Variants in SYNDIG1 observed in about 807,000 individuals in gnomAD.
SYNDIG1 encodes the protein synapse differentiation-inducing gene protein 1.
Under a neutral mutation model 19.4 loss-of-function variants are expected in SYNDIG1, and 9 were observed. That is an observed-to-expected ratio of 0.46 (90% confidence interval 0.28 to 0.81). The LOEUF (loss-of-function observed/expected upper bound fraction) is 0.81, where lower values mean the gene tolerates loss of function less well. Among genes scored for constraint, SYNDIG1 ranks in the 30% least tolerant of loss-of-function variants. The pLI is 0.12. For missense variants in SYNDIG1, 311 were observed against 343.3 expected, an observed-to-expected ratio of 0.91 and a Z score of 0.74; for synonymous variants, 141 against 145.9, an observed-to-expected ratio of 0.97 and a Z score of 0.24.
intron 3 of SYNDIG1, among the ~76,000 whole-genome samples, chr20:24,619,449 C>T (rs1264490537): frequency 1.3e-5 from 2 of 152,202 alleles, no homozygotes; most frequent in Non-Finnish European, 2.9e-5. Context: ...ACTTGTACAA[C>T]ACTACTTCAG....
chr20:24,596,915 G>A (rs1429659039), intron 3 of SYNDIG1: 1 of 152,228 alleles, frequency 6.6e-6, no homozygotes, highest in Non-Finnish European at 1.5e-5. Context: ...GATATCACTG[G>A]TCACACAGCA....
intron 3 of SYNDIG1, among the ~76,000 whole-genome samples, chr20:24,600,554 T>G (rs1454601558): frequency 6.6e-6 from 1 of 152,000 alleles, no homozygotes; most frequent in East Asian, 1.9e-4. Flanking sequence ...ATTTTTATTA[T>G]TTTACCACCT....
chr20:24,568,777 C>T (rs1026636096), intron 2 of SYNDIG1, among the ~76,000 whole-genome samples: 4 of 152,152 alleles, frequency 2.6e-5, no homozygotes, highest in African/African-American at 4.8e-5. Context: ...CAATTAGGGC[C>T]GAAGAAAGGC....
chr20:24,573,257 G>A (rs1196432523), intron 2 of SYNDIG1, among the ~76,000 whole-genome samples: 1 of 152,210 alleles, frequency 6.6e-6, no homozygotes, highest in African/African-American at 2.4e-5. Context: ...TTCTGGATGG[G>A]TCATAGAAGG....
At chr20:24,653,743 G>A (rs2059496453) in intron 3 of SYNDIG1, among the ~76,000 whole-genome samples, 1 of 152,156 alleles carries the variant, frequency 6.6e-6, no homozygotes, top group East Asian at 1.9e-4. Flanking sequence ...ATTTAACTCT[G>A]TCAGCTCTGG....
At chr20:24,632,301 G>A (rs1027735125) in intron 3 of SYNDIG1, among the ~76,000 whole-genome samples, 2 of 152,140 alleles carry the variant, frequency 1.3e-5, no homozygotes, top group African/African-American at 4.8e-5. Flanking sequence ...GTGCAGTGGT[G>A]CGATCACAAC....
chr20:24,664,295 G>C (rs188692562), intron 3 of SYNDIG1, among the ~76,000 whole-genome samples: 1 of 152,216 alleles, frequency 6.6e-6, no homozygotes, highest in East Asian at 1.9e-4. Flanking sequence ...TGGTGTGTTT[G>C]AGTGAATGAC....
chr20:24,482,421 A>G lies in SYNDIG1; in HGVS notation c.-79+12668A>G, dbSNP rs2055825709. On this transcript the variant is annotated intron_variant, in intron 1 of 3. Coordinates refer to ENST00000376862, the MANE Select transcript of SYNDIG1 (RefSeq NM_024893.3). ...TGCACATGAAAGTTAGGGAAGACAC[A>G]TCTTTCCAAAATGATTGCCCAGCTT... Among the ~76,000 whole-genome samples, 4 of 152,332 alleles carry G rather than the reference A, an allele frequency of 2.6e-5. No homozygotes were observed. In the South Asian group the frequency reaches 8.3e-4, roughly 32 times the overall value.
intron 1 of SYNDIG1, among the ~76,000 whole-genome samples, chr20:24,524,934 T>C (rs540698498): frequency 3.3e-4 from 51 of 152,302 alleles, no homozygotes; most frequent in African/African-American, 6.0e-4. Flanking sequence ...TTAACACCTG[T>C]CATGTATTAT....
chr20:24,528,399 A>G (rs2057172032), intron 1 of SYNDIG1, among the ~76,000 whole-genome samples: 1 of 152,200 alleles, frequency 6.6e-6, no homozygotes, highest in Admixed American at 6.5e-5. Flanking sequence ...TTCTGCTGTT[A>G]CAACAAAATA....
chr20:24,563,690 C>T (rs1235850481), intron 2 of SYNDIG1, among the ~76,000 whole-genome samples: 1 of 152,192 alleles, frequency 6.6e-6, no homozygotes, highest in East Asian at 1.9e-4. Context: ...AAGCCTTGAC[C>T]TCCCAGACTC....
rs375649001 is a variant in SYNDIG1, at chr20:24,550,789, T to C, written c.480+7212T>C. Among the ~76,000 whole-genome samples, 396 of 152,240 alleles carry C rather than the reference T, an allele frequency of 2.6e-3. 3 individuals are homozygous for C. Among genetic ancestry groups the C allele is most frequent in the African/African-American group, 9.0e-3 (375 of 41,550 alleles). On this transcript the variant is annotated intron_variant, in intron 2 of 3. Coordinates refer to ENST00000376862, the MANE Select transcript of SYNDIG1 (RefSeq NM_024893.3). Reference sequence around the variant, plus strand: ...CCTCCCAAAGTGCTGGGATTACAGGTGTGAGCCACTGCGCCCAGCCTACAT... The same window carrying C: ...CCTCCCAAAGTGCTGGGATTACAGGCGTGAGCCACTGCGCCCAGCCTACAT...
intron 3 of SYNDIG1, among the ~76,000 whole-genome samples, chr20:24,614,286 G>A (rs1404864257): frequency 1.3e-5 from 2 of 152,232 alleles, no homozygotes; most frequent in African/African-American, 4.8e-5. Flanking sequence ...TTACAGGCAT[G>A]AGCCACTGCA....
intron 3 of SYNDIG1, among the ~76,000 whole-genome samples, chr20:24,641,720 G>A (rs1000222409): frequency 6.6e-6 from 1 of 152,192 alleles, no homozygotes; most frequent in Non-Finnish European, 1.5e-5. Context: ...TGCCCACCTC[G>A]CCACCAGGCA....
chr20:24,631,157 G>A (rs181374439), intron 3 of SYNDIG1, among the ~76,000 whole-genome samples: 37 of 152,356 alleles, frequency 2.4e-4, no homozygotes, highest in African/African-American at 8.2e-4. Context: ...GGAAATCAAG[G>A]AAGAGGCTGT....
chr20:24,570,693 A>G (rs2058126769), intron 2 of SYNDIG1, among the ~76,000 whole-genome samples: 1 of 152,206 alleles, frequency 6.6e-6, no homozygotes, highest in Non-Finnish European at 1.5e-5. Flanking sequence ...ACTCTCATAC[A>G]TTGCCGGTGG....
At chr20:24,504,027 T>G (rs1334156824) in intron 1 of SYNDIG1, among the ~76,000 whole-genome samples, 1 of 150,234 alleles carries the variant, frequency 6.7e-6, no homozygotes, top group East Asian at 2.0e-4. Flanking sequence ...TGGCATGATC[T>G]TGGCTCACTG....
rs2059642102 is a variant in SYNDIG1 at position 24,665,746 on chromosome 20, C to G, written c.*242C>G. ...CAAAGGAAAGCTCCAAAGATCCCAGCCCGCAAGGCTGTCTCTGGATGGATT... is the reference window on the plus strand; with the variant it reads ...CAAAGGAAAGCTCCAAAGATCCCAGGCCGCAAGGCTGTCTCTGGATGGATT... On this transcript the variant is annotated 3_prime_UTR_variant, in exon 4 of 4. Coordinates refer to ENST00000376862, the MANE Select transcript of SYNDIG1 (RefSeq NM_024893.3). The G allele has an allele frequency of 1.9e-6, 1 of 520,146 alleles. No individual in the cohort carries two copies. Among genetic ancestry groups the G allele is most frequent in the East Asian group, 3.9e-5 (1 of 25,960 alleles). The allele number at this position is 520,146 out of a possible 1,614,324, so 32.2% of individuals were successfully genotyped here.
intron 1 of SYNDIG1, among the ~76,000 whole-genome samples, chr20:24,505,224 GAGTCATTGAGA>G (rs747948424): frequency 3.6e-4 from 55 of 152,302 alleles, no homozygotes; most frequent in Non-Finnish European, 6.2e-4. Flanking sequence ...ACCTGGCAAA[GAGTCATTGAGA>G]AGTCATTGGG....
Sources: allele counts gnomAD v4.1 joint callset (sites outside exome capture counted in the v4.1 genomes callset), GRCh38; gene constraint gnomAD v4.1.1; transcripts MANE v1.5; gene names NCBI Gene and HGNC (gene_info 2026-07-23, HGNC 2026-07-21).